The following HECTD4 variants were observed in gnomAD, a reference collection of about 807,000 sequenced individuals.
HECTD4 encodes the protein HECT domain E3 ubiquitin protein ligase 4.
In HECTD4, 114 loss-of-function variants were observed where a neutral mutation model predicts 471.5. The ratio of observed to expected loss-of-function variants is 0.24; its 90% CI spans 0.21 to 0.28. The LOEUF (loss-of-function observed/expected upper bound fraction) is 0.28, where lower values mean the gene tolerates loss of function less well. Among genes scored for constraint, HECTD4 ranks in the 10% least tolerant of loss-of-function variants. The probability of loss-of-function intolerance (pLI) is 1.00; values close to 1 mark genes in which losing one functional copy is unlikely to be tolerated. For synonymous variants in HECTD4, 2,012 were observed against 2,256.0 expected, an observed-to-expected ratio of 0.89 and a Z score of 3.07; for missense variants, 3,866 against 5,651.5, an observed-to-expected ratio of 0.68 and a Z score of 10.13.
intron 21 of HECTD4, among the ~76,000 whole-genome samples, chr12:112,255,322 G>A (rs965909017): frequency 1.3e-5 from 2 of 152,146 alleles, no homozygotes; most frequent in African/African-American, 4.8e-5. Flanking sequence ...TTTCTGAAAG[G>A]CCTACTAAAG....
intron 7 of HECTD4, chr12:112,302,285 G>T: frequency 1.2e-6 from 1 of 831,096 alleles, no homozygotes. Context: ...TCTCTTAGTG[G>T]GGACGCCCCC....
At position 112,295,836 on chromosome 12, in the gene HECTD4, C is replaced by A. The variant is rs187309075; in HGVS notation, c.1335+10228G>T. ...ATATATATATATATACACACACACACACACACATAGTGATGTGGTCTCACT... is the reference window on the plus strand; with the variant it reads ...ATATATATATATATACACACACACAAACACACATAGTGATGTGGTCTCACT... On this transcript the variant is annotated intron_variant, in intron 7 of 75. Coordinates refer to ENST00000682272, the MANE Select transcript of HECTD4 (RefSeq NM_001388303.1). 2.6e-5 allele frequency among the ~76,000 whole-genome samples: 4 copies of A among 151,262 alleles called. No homozygotes were observed. In the East Asian group the frequency reaches 7.9e-4, roughly 30 times the overall value.
intron 52 of HECTD4, among the ~76,000 whole-genome samples, chr12:112,205,949 T>C (rs904820780): frequency 2.6e-5 from 4 of 152,182 alleles, no homozygotes; most frequent in African/African-American, 9.7e-5. Context: ...AATAAACACA[T>C]GTTGCTTGTT....
intron 44 of HECTD4, among the ~76,000 whole-genome samples, chr12:112,224,435 T>G (rs2033177214): frequency 6.6e-6 from 1 of 151,808 alleles, no homozygotes; most frequent in African/African-American, 2.4e-5. Context: ...CCTGGCTAAT[T>G]TTTTGTATTT....
intron 52 of HECTD4, among the ~76,000 whole-genome samples, chr12:112,207,153 T>C (rs939749759): frequency 4.0e-5 from 6 of 151,658 alleles, no homozygotes; most frequent in Admixed American, 3.3e-4. Flanking sequence ...TATGTATGTA[T>C]GTATTTGAGA....
chr12:112,381,932 C>T lies in HECTD4; in HGVS notation c.177+20G>A. 2 of 1,221,444 alleles carry T rather than the reference C, an allele frequency of 1.6e-6. No individual in the cohort carries two copies. The highest frequency in any genetic ancestry group is 2.0e-6 in the Non-Finnish European group (2 of 981,078). 75.7% of individuals were successfully genotyped at this position (1,221,444 alleles called of 1,614,324 possible). A position where few individuals can be genotyped will look rare whatever the true frequency, so the allele number is the denominator to read the frequency against. ...GAGTGGGTCAGTCCGATGGCGGGGG[C>T]CGGGGGCCGCCTCGCTCACCTCCAG... On this transcript the variant is annotated intron_variant, in intron 1 of 75. Transcript: ENST00000682272. The surrounding 1 kb of genome is among the most constrained non-coding windows in gnomAD (Gnocchi z 4.1).
At chr12:112,314,985 C>T (rs1159997087) in intron 2 of HECTD4, among the ~76,000 whole-genome samples, 1 of 152,184 alleles carries the variant, frequency 6.6e-6, no homozygotes, top group East Asian at 1.9e-4. Flanking sequence ...AACTCCATCA[C>T]ATTAAATATG....
intron 48 of HECTD4, 32 bp from the exon 49 acceptor site, chr12:112,212,682 T>C: frequency 6.4e-7 from 1 of 1,562,608 alleles, no homozygotes. Context: ...AAAACATATT[T>C]TCTCCCTTTT....
chr12:112,211,213 G>A (rs1254372311), intron 49 of HECTD4, among the ~76,000 whole-genome samples: 1 of 152,098 alleles, frequency 6.6e-6, no homozygotes, highest in East Asian at 1.9e-4. Flanking sequence ...AGCCCAGTGT[G>A]GTGGTACACA....
At chr12:112,187,656 C>T (rs1489995377) in intron 60 of HECTD4, among the ~76,000 whole-genome samples, 13 of 143,792 alleles carry the variant, frequency 9.0e-5, no homozygotes, top group African/African-American at 1.8e-4. Context: ...AGACGGAGTC[C>T]CACTCTGTCG....
chr12:112,206,057 A>T (rs1012291199), intron 52 of HECTD4, among the ~76,000 whole-genome samples: 10 of 152,228 alleles, frequency 6.6e-5, no homozygotes, highest in Non-Finnish European at 1.3e-4. Flanking sequence ...TGATAGCAAC[A>T]GCTACTATTA....
At chr12:112,224,069 T>C (rs564685659) in intron 44 of HECTD4, among the ~76,000 whole-genome samples, 18 of 152,290 alleles carry the variant, frequency 1.2e-4, no homozygotes, top group Non-Finnish European at 2.5e-4. Flanking sequence ...TCTTATTTAT[T>C]AAACAGCTTT....
At chr12:112,377,319 C>T (rs1594087958) in intron 1 of HECTD4, among the ~76,000 whole-genome samples, 2 of 151,960 alleles carry the variant, frequency 1.3e-5, no homozygotes, top group Non-Finnish European at 2.9e-5. Context: ...TTCCAATGCT[C>T]TCCATCTCTT....
Position 112,185,114 on chromosome 12 carries a change from G to T in HECTD4, c.9852C>A (p.Thr3284=), listed in dbSNP as rs1026875459. Residue 3284 remains threonine (T), a synonymous_variant, in exon 61 of 76, where the codon ACC becomes ACA. Transcript: ENST00000682272. Reference sequence around the variant, plus strand: ...AGGACGAGTCACTGAGATTTGGGGCGGTCGCTGAGGTCACCCCACTGGCTG... The same window carrying T: ...AGGACGAGTCACTGAGATTTGGGGCTGTCGCTGAGGTCACCCCACTGGCTG... ...SVTASGVTSA[T]APNLSDSSSS... 1 of 1,560,210 alleles carries T rather than the reference G, an allele frequency of 6.4e-7. No individual in the cohort carries two copies. The highest frequency in any genetic ancestry group is 8.7e-7 in the Non-Finnish European group (1 of 1,151,578).
chr12:112,198,816 T>C (rs2032326931), intron 55 of HECTD4, among the ~76,000 whole-genome samples: 1 of 152,206 alleles, frequency 6.6e-6, no homozygotes, highest in African/African-American at 2.4e-5. Flanking sequence ...TTAAAGTCAG[T>C]TCTTCTGAAA....
chr12:112,310,321 T>C (rs2035347736), intron 4 of HECTD4, among the ~76,000 whole-genome samples: 1 of 152,240 alleles, frequency 6.6e-6, no homozygotes, highest in Non-Finnish European at 1.5e-5. Flanking sequence ...TCAGAGATCC[T>C]AATTTTAGTC....
In HECTD4 at chr12:112,193,306, G is replaced by A; in HGVS notation, c.8956-115C>T. 1 of 1,403,726 alleles carries A rather than the reference G, an allele frequency of 7.1e-7. No homozygotes were observed. The highest frequency in any genetic ancestry group is 1.3e-5 in the South Asian group (1 of 76,856). The allele number at this position is 1,403,726 out of a possible 1,614,324, so 87.0% of individuals were successfully genotyped here. A position where few individuals can be genotyped will look rare whatever the true frequency, so the allele number is the denominator to read the frequency against. On this transcript the variant is annotated intron_variant, in intron 57 of 75. Coordinates refer to ENST00000682272, the MANE Select transcript of HECTD4 (RefSeq NM_001388303.1). The surrounding 1 kb of genome is among the most constrained non-coding windows in gnomAD (Gnocchi z 5.2). The stretch of plus-strand genomic sequence containing the variant: ...CAAACGACTAAATAGCCCTCTGGAA[G>A]GAAGCAAGCTACAGATGAGATAAAG...
chr12:112,289,320 C>T (rs2034826305), intron 7 of HECTD4, among the ~76,000 whole-genome samples: 1 of 152,086 alleles, frequency 6.6e-6, no homozygotes, highest in Non-Finnish European at 1.5e-5. Context: ...CCAGGCTGGC[C>T]TAAATATATT....
At chr12:112,226,890 CT>C (rs1010216112) in intron 43 of HECTD4, 132 bp from the exon 44 acceptor site, 113 of 556,578 alleles carry the variant, frequency 2.0e-4, no homozygotes, top group East Asian at 1.8e-3. Context: ...ACTCATCTTG[CT>C]TTTTTTTTCT....
Sources: allele counts gnomAD v4.1 joint callset (sites outside exome capture counted in the v4.1 genomes callset), GRCh38; gene constraint gnomAD v4.1.1; non-coding constraint Gnocchi (gnomAD v3.1); transcripts MANE v1.5; gene names NCBI Gene and HGNC (gene_info 2026-07-23, HGNC 2026-07-21).